JAZF1: variants seen among roughly 807,000 people sequenced by gnomAD.
JAZF1 encodes the protein juxtaposed with another zinc finger protein 1.
Under a neutral mutation model 26.4 loss-of-function variants are expected in JAZF1, and 8 were observed. The ratio of observed to expected loss-of-function variants is 0.30; its 90% CI spans 0.18 to 0.55. The LOEUF (loss-of-function observed/expected upper bound fraction) is 0.55. JAZF1 is among the 20% of genes least tolerant of loss of function. The pLI is 0.94. For synonymous variants in JAZF1, 126 were observed against 122.3 expected (o/e 1.03, Z -0.20); for missense variants, 199 against 322.0 (o/e 0.62, Z 2.92).
intron 2 of JAZF1, among the ~76,000 whole-genome samples, chr7:27,920,087 A>G (rs558665648): frequency 6.6e-6 from 1 of 152,258 alleles, no homozygotes; most frequent in South Asian, 2.1e-4. Flanking sequence ...ACTAATCCAC[A>G]TTATTGTAAG....
At chr7:27,934,779 C>T (rs1287011281) in intron 2 of JAZF1, among the ~76,000 whole-genome samples, 1 of 152,062 alleles carries the variant, frequency 6.6e-6, no homozygotes, top group African/African-American at 2.4e-5. Context: ...ATAAATCCTC[C>T]TTACTTTGGG....
At chr7:28,171,408 T>A (rs574867554) in intron 1 of JAZF1, among the ~76,000 whole-genome samples, 1 of 152,370 alleles carries the variant, frequency 6.6e-6, no homozygotes, top group East Asian at 1.9e-4. Context: ...AATTTATTTT[T>A]TTCACAGCCC....
chr7:27,985,280 A>G (rs1416404017), intron 2 of JAZF1, among the ~76,000 whole-genome samples: 4 of 152,168 alleles, frequency 2.6e-5, no homozygotes, highest in Non-Finnish European at 5.9e-5. Flanking sequence ...TATCACCACC[A>G]ATCCCACAGA....
At chr7:28,074,988 G>T (rs540030798) in intron 1 of JAZF1, among the ~76,000 whole-genome samples, 29 of 152,202 alleles carry the variant, frequency 1.9e-4, no homozygotes, top group Admixed American at 1.8e-3. Flanking sequence ...AGAGGTAAAG[G>T]ACACACGTCC....
At chr7:28,149,376 A>G (rs4719925) in intron 1 of JAZF1, among the ~76,000 whole-genome samples, 25,847 of 152,102 alleles carry the variant, frequency 0.17, 2,837 homozygotes, top group East Asian at 0.47. Flanking sequence ...AAAGGGCAAC[A>G]GTTCACCTAT....
intron 1 of JAZF1, among the ~76,000 whole-genome samples, chr7:28,106,974 G>C (rs1159421088): frequency 3.9e-5 from 6 of 152,196 alleles, no homozygotes; most frequent in Admixed American, 1.3e-4. Flanking sequence ...GTTCCTCACA[G>C]ATTTTGAGTT....
chr7:28,078,099 A>G (rs1279757589), intron 1 of JAZF1, among the ~76,000 whole-genome samples: 1 of 152,220 alleles, frequency 6.6e-6, no homozygotes, highest in East Asian at 1.9e-4. Context: ...GTGTTAGATG[A>G]AAAAAATTGA....
At chr7:28,140,573 G>A (rs1255096626) in intron 1 of JAZF1, among the ~76,000 whole-genome samples, 1 of 151,748 alleles carries the variant, frequency 6.6e-6, no homozygotes, top group Non-Finnish European at 1.5e-5. Context: ...GGGGTGGGGA[G>A]AGAACATGTA....
intron 1 of JAZF1, among the ~76,000 whole-genome samples, chr7:28,102,551 T>C (rs1295687815): frequency 6.6e-6 from 1 of 151,500 alleles, no homozygotes; most frequent in Non-Finnish European, 1.5e-5. Context: ...TTATTATACA[T>C]AGTTGGTGAA....
At chr7:28,024,064 T>C (rs754922524) in intron 1 of JAZF1, among the ~76,000 whole-genome samples, 10 of 151,794 alleles carry the variant, frequency 6.6e-5, no homozygotes, top group Admixed American at 4.6e-4. Flanking sequence ...GGTGGGAGGA[T>C]TGCTTGAGGT....
chr7:27,912,190 A>G (rs943553322), intron 2 of JAZF1, among the ~76,000 whole-genome samples: 1 of 152,234 alleles, frequency 6.6e-6, no homozygotes, highest in African/African-American at 2.4e-5. Flanking sequence ...TTGCTGAAAT[A>G]AAACTCTAAC....
chr7:28,121,796 G>C (rs965065800), intron 1 of JAZF1, among the ~76,000 whole-genome samples: 2 of 152,298 alleles, frequency 1.3e-5, no homozygotes, highest in South Asian at 4.2e-4. Context: ...CACCCTTCAG[G>C]TGTTGTTTTA....
intron 1 of JAZF1, among the ~76,000 whole-genome samples, chr7:28,040,048 C>G (rs891767775): frequency 1.3e-5 from 2 of 152,156 alleles, no homozygotes; most frequent in East Asian, 3.9e-4. Flanking sequence ...AAACTGAAGA[C>G]TCCTACACAT....
chr7:27,985,282 T>C (rs1295335537), intron 2 of JAZF1, among the ~76,000 whole-genome samples: 2 of 151,980 alleles, frequency 1.3e-5, no homozygotes, highest in Non-Finnish European at 2.9e-5. Context: ...TCACCACCAA[T>C]CCCACAGAAA....
intron 1 of JAZF1, among the ~76,000 whole-genome samples, chr7:28,179,164 C>A (rs1034390666): frequency 1.3e-5 from 2 of 152,224 alleles, no homozygotes; most frequent in African/African-American, 4.8e-5. Flanking sequence ...TTTACAGGTT[C>A]TCTGGATTAG....
At chr7:27,950,673 A>G (rs1784994165) in intron 2 of JAZF1, among the ~76,000 whole-genome samples, 1 of 152,222 alleles carries the variant, frequency 6.6e-6, no homozygotes, top group South Asian at 2.1e-4. Context: ...CTTGGTTAAC[A>G]AAACTTCAAT....
chr7:28,171,373 T>A (rs1301293780), intron 1 of JAZF1, among the ~76,000 whole-genome samples: 1 of 152,210 alleles, frequency 6.6e-6, no homozygotes, highest in Non-Finnish European at 1.5e-5. Flanking sequence ...CAAAGATGTT[T>A]TTCACTGTCC....
chr7:27,946,637 G>T (rs969926525), intron 2 of JAZF1, among the ~76,000 whole-genome samples: 1 of 152,174 alleles, frequency 6.6e-6, no homozygotes, highest in Non-Finnish European at 1.5e-5. Flanking sequence ...GTTGGGGTAG[G>T]GATTTGTGGT....
chr7:27,940,061 T>TA (rs1784819628), intron 2 of JAZF1, among the ~76,000 whole-genome samples: 1 of 152,034 alleles, frequency 6.6e-6, no homozygotes, highest in South Asian at 2.1e-4. Flanking sequence ...AGTGAGCAGC[T>TA]CCCTGTCTTC....
Sources: gnomAD v4.1 joint callset for allele counts (sites outside exome capture counted in the v4.1 genomes callset) on GRCh38, gnomAD v4.1.1 for gene constraint, MANE v1.5 for transcripts, NCBI Gene and HGNC (gene_info 2026-07-23, HGNC 2026-07-21) for gene names.